ROCK1: variants seen among roughly 807,000 people sequenced by gnomAD.
The protein encoded by ROCK1 is rho-associated protein kinase 1.
A neutral mutation model predicts 196.8 loss-of-function variants in ROCK1; 36 were observed. That is an observed-to-expected ratio of 0.18 (90% CI 0.14 to 0.24). ROCK1 has a LOEUF of 0.24. Ranked by LOEUF, ROCK1 falls within the 10% of genes least tolerant of loss-of-function variation. The pLI is 1.00. For missense variants in ROCK1, 920 were observed against 1,562.0 expected (o/e 0.59, Z 6.93); for synonymous variants, 443 against 515.9 (o/e 0.86, Z 1.91).
Position 20,982,841 on chromosome 18 carries a change from G to A in ROCK1, c.2490-9C>T. The A allele has an allele frequency of 1.4e-6, 2 of 1,441,376 alleles. No homozygotes were observed. Among genetic ancestry groups the A allele is most frequent in the Non-Finnish European group, 9.6e-7 (1 of 1,037,014 alleles). 89.3% of individuals were successfully genotyped at this position (1,441,376 alleles called of 1,614,324 possible). ...CATTTCCTCTATACTGTCTTCAGAT[G>A]AAAAGAAAAACAAGTGAACAAACGC... On this transcript the variant is annotated splice_polypyrimidine_tract_variant and intron_variant, in intron 20 of 32. Coordinates refer to ENST00000399799, the MANE Select transcript of ROCK1 (RefSeq NM_005406.3).
intron 22 of ROCK1, among the ~76,000 whole-genome samples, chr18:20,973,190 T>C (rs1396976730): frequency 6.6e-6 from 1 of 152,158 alleles, no homozygotes; most frequent in Non-Finnish European, 1.5e-5. Flanking sequence ...AAGAGGGTTG[T>C]TTTTAGAGGA....
At chr18:20,963,099 C>T (rs1183861310) in intron 27 of ROCK1, among the ~76,000 whole-genome samples, 2 of 151,986 alleles carry the variant, frequency 1.3e-5, no homozygotes, top group Non-Finnish European at 2.9e-5. Context: ...CTGAGAGAAC[C>T]TCTAAGTCTG....
At chr18:21,078,341 TACACACACAC>T (rs59499705) in intron 1 of ROCK1, among the ~76,000 whole-genome samples, 35 of 128,852 alleles carry the variant, frequency 2.7e-4, no homozygotes, top group South Asian at 1.3e-3. Context: ...AACACCCACC[TACACACACAC>T]ACACACACAC....
rs573191557 is a variant in ROCK1 at position 21,043,551 on chromosome 18, T to TTATATGTATATACATATACATAATG, written c.675+526_675+550dup. On this transcript the variant is annotated intron_variant, in intron 6 of 32. Coordinates refer to ENST00000399799, the MANE Select transcript of ROCK1 (RefSeq NM_005406.3). Reference sequence around the variant, plus strand: ...ATAACATATTTATTTATGTTATTTATTATATGTATATACATATACATAATG... The same window carrying TTATATGTATATACATATACATAATG: ...ATAACATATTTATTTATGTTATTTATTATATGTATATACATATACATAATGTATATGTATATACATATACATAATG... Among the ~76,000 whole-genome samples the TTATATGTATATACATATACATAATG allele has an allele frequency of 2.9e-3, 417 of 145,620 alleles. 4 individuals carry two copies. Among genetic ancestry groups the TTATATGTATATACATATACATAATG allele is most frequent in the Middle Eastern group, 0.011 (3 of 274 alleles).
At chr18:21,080,991 A>G (rs2036477985) in intron 1 of ROCK1, among the ~76,000 whole-genome samples, 1 of 152,168 alleles carries the variant, frequency 6.6e-6, no homozygotes, top group Non-Finnish European at 1.5e-5. Context: ...GAGGACATGA[A>G]CGACACTATA....
intron 18 of ROCK1, among the ~76,000 whole-genome samples, chr18:20,990,582 T>TA (rs1290665578): frequency 6.8e-6 from 1 of 146,922 alleles, no homozygotes; most frequent in East Asian, 2.1e-4. Flanking sequence ...TAATCCCAGC[T>TA]ACTCGGGAGG....
intron 4 of ROCK1, among the ~76,000 whole-genome samples, chr18:21,046,295 A>G (rs2036158103): frequency 1.3e-5 from 2 of 152,150 alleles, no homozygotes; most frequent in South Asian, 4.1e-4. Context: ...AAAACACTGT[A>G]AGGACTATAC....
chr18:21,032,838 ATAACT>A (rs1344777468), intron 9 of ROCK1, among the ~76,000 whole-genome samples: 1 of 151,996 alleles, frequency 6.6e-6, no homozygotes, highest in Non-Finnish European at 1.5e-5. Context: ...GACAAATTAG[ATAACT>A]TAGATGAAAT....
intron 27 of ROCK1, among the ~76,000 whole-genome samples, chr18:20,965,096 A>G (rs1169490428): frequency 1.3e-5 from 2 of 152,226 alleles, no homozygotes; most frequent in African/African-American, 4.8e-5. Context: ...CTGACACTAA[A>G]TAGAGCAAGG....
intron 2 of ROCK1, among the ~76,000 whole-genome samples, chr18:21,051,701 A>G (rs1348069688): frequency 6.6e-6 from 1 of 152,222 alleles, no homozygotes; most frequent in African/African-American, 2.4e-5. Flanking sequence ...AGCTCTCTAC[A>G]TGAAATAGAT....
rs1233127638 is a variant in ROCK1, at chr18:20,968,822, T to G, written c.2953A>C (p.Lys985Gln). The G allele has an allele frequency of 6.2e-7, 1 of 1,608,980 alleles. No individual in the cohort carries two copies. The highest frequency in any genetic ancestry group is 8.5e-7 in the Non-Finnish European group (1 of 1,175,324). ...TTGATATTCTTTTCAAAGGCAGCCT[T>G]AAGATTACTGATCTCCTCCTCCTTC... ...LEKEEEISNL[K>Q]AAFEKNINTE... The change falls in exon 25 of 33, where the codon AAG (lysine) becomes CAG (glutamine). Residue 985 changes from lysine to glutamine, a missense_variant. By Grantham distance (53) the Lys-to-Gln change is moderately conservative (BLOSUM62 1). Coordinates refer to ENST00000399799, the MANE Select transcript of ROCK1 (RefSeq NM_005406.3).
At chr18:21,045,705 T>C (rs2143510762) in intron 4 of ROCK1, among the ~76,000 whole-genome samples, 1 of 152,266 alleles carries the variant, frequency 6.6e-6, no homozygotes, top group South Asian at 2.1e-4. Context: ...CTTCATAATT[T>C]TCTACACTAT....
intron 2 of ROCK1, among the ~76,000 whole-genome samples, chr18:21,068,009 C>G (rs1156265235): frequency 6.6e-6 from 1 of 152,144 alleles, no homozygotes; most frequent in Non-Finnish European, 1.5e-5. Flanking sequence ...ACTATTTTTT[C>G]CCAGCCTTTG....
At position 21,062,837 on chromosome 18, in the gene ROCK1, C is replaced by A. The variant is rs185937805; in HGVS notation, c.175+7695G>T. 4.9e-3 allele frequency among the ~76,000 whole-genome samples: 744 copies of A among 152,268 alleles called. 5 individuals are homozygous for A. Among genetic ancestry groups the A allele is most frequent in the Admixed American group, 0.011 (170 of 15,292 alleles). The stretch of plus-strand genomic sequence containing the variant: ...ACCACCTGGACTTTCTAGATCATCT[C>A]TAACAAGTCAGTATCCAACGTCTAA... On this transcript the variant is annotated intron_variant, in intron 2 of 32. Transcript: ENST00000399799.
intron 9 of ROCK1, among the ~76,000 whole-genome samples, chr18:21,037,070 CATT>C (rs1200504396): frequency 2.6e-5 from 4 of 152,100 alleles, no homozygotes; most frequent in Non-Finnish European, 5.9e-5. Context: ...TGAATTTTGA[CATT>C]GTTGTTTGCT....
At chr18:21,022,211 T>C (rs2035919378) in intron 11 of ROCK1, among the ~76,000 whole-genome samples, 1 of 152,136 alleles carries the variant, frequency 6.6e-6, no homozygotes, top group African/African-American at 2.4e-5. Context: ...GCTCTAGGAA[T>C]GGACAGATAA....
intron 1 of ROCK1, among the ~76,000 whole-genome samples, chr18:21,105,061 AAT>A (rs1157612736): frequency 6.6e-6 from 1 of 152,246 alleles, no homozygotes. Context: ...AAATATTATA[AAT>A]ATGACAATAT....
chr18:20,985,504 A>T (rs1203587383), intron 19 of ROCK1, among the ~76,000 whole-genome samples: 2 of 152,190 alleles, frequency 1.3e-5, no homozygotes, highest in Admixed American at 6.5e-5. Flanking sequence ...CCCAAATGTG[A>T]TTAGTAATAC....
intron 1 of ROCK1, among the ~76,000 whole-genome samples, chr18:21,084,441 G>A (rs1197652611): frequency 6.6e-6 from 1 of 152,032 alleles, no homozygotes; most frequent in Non-Finnish European, 1.5e-5. Flanking sequence ...ATTTTAAAAT[G>A]GGCAAAAACT....
Sources: gnomAD v4.1 joint callset for allele counts (sites outside exome capture counted in the v4.1 genomes callset) on GRCh38, gnomAD v4.1.1 for gene constraint, MANE v1.5 for transcripts, NCBI Gene and HGNC (gene_info 2026-07-23, HGNC 2026-07-21) for gene names.